PPM1H: variants seen among roughly 807,000 people sequenced by gnomAD.
PPM1H encodes protein phosphatase 1H.
In PPM1H, 27 loss-of-function variants were observed where a neutral mutation model predicts 54.9. That is an observed-to-expected ratio of 0.49 (90% CI 0.36 to 0.68). PPM1H has a LOEUF of 0.68. Among genes scored for constraint, PPM1H ranks in the 30% least tolerant of loss-of-function variants. PPM1H has a pLI of 0.00. For missense variants in PPM1H, 596 were observed against 667.8 expected, an observed-to-expected ratio of 0.89 and a Z score of 1.19; for synonymous variants, 305 against 270.8, an observed-to-expected ratio of 1.13 and a Z score of -1.24.
chr12:62,675,615 C>T (rs2075980966), intron 8 of PPM1H, among the ~76,000 whole-genome samples: 1 of 152,226 alleles, frequency 6.6e-6, no homozygotes. Flanking sequence ...TCCCTGTTTA[C>T]TCCAATAGTT....
At chr12:62,763,357 T>C (rs773481394) in intron 4 of PPM1H, among the ~76,000 whole-genome samples, 1 of 152,172 alleles carries the variant, frequency 6.6e-6, no homozygotes, top group Non-Finnish European at 1.5e-5. Flanking sequence ...GCTATGAAGA[T>C]CATCAGTCAG....
Position 62,934,487 on chromosome 12 carries a change from C to T in PPM1H, c.245+5G>A. 1 of 1,540,490 alleles carries T rather than the reference C, an allele frequency of 6.5e-7. No individual in the cohort carries two copies. The highest frequency in any genetic ancestry group is 8.7e-7 in the Non-Finnish European group (1 of 1,143,996). On this transcript the variant is annotated splice_donor_5th_base_variant and intron_variant, in intron 1 of 9. Transcript: ENST00000228705. This position sits in a 1 kb window ranked among gnomAD's most constrained non-coding sequence, Gnocchi z 4.2. Reference sequence around the variant, plus strand: ...CAGGGGCGCCGCCGGTGTCGCTGCACTCACTCTGCGTAGCCAGTGGCCCAG... The same window carrying T: ...CAGGGGCGCCGCCGGTGTCGCTGCATTCACTCTGCGTAGCCAGTGGCCCAG...
At chr12:62,758,640 A>G (rs1717416429) in intron 4 of PPM1H, among the ~76,000 whole-genome samples, 1 of 152,134 alleles carries the variant, frequency 6.6e-6, no homozygotes, top group Admixed American at 6.5e-5. Flanking sequence ...CACACTGGCT[A>G]CATTTTATTT....
rs11349692 is a variant in PPM1H at position 62,659,269 on chromosome 12, C to CAAAAA, written c.1397+7904_1397+7908dup. The stretch of plus-strand genomic sequence containing the variant: ...GTGTTCTAAAAAACCGTAAAAACTG[C>CAAAAA]AAAAAAAAAAAAAAAAAAAAAAGAG... On this transcript the variant is annotated intron_variant, in intron 9 of 9. Transcript: ENST00000228705. The CAAAAA allele has an allele frequency of 1.6e-3, 151 of 91,576 alleles. 3 individuals carry two copies. Among genetic ancestry groups the CAAAAA allele is most frequent in the South Asian group, 2.3e-3 (9 of 3,922 alleles). 5.7% of individuals were successfully genotyped at this position (91,576 alleles called of 1,614,324 possible).
In PPM1H at chr12:62,934,399, C is replaced by T; in HGVS notation, c.245+93G>A. ...TGGACGCCGGCAGCTAGTGAGAGCCCTGAGGCCGAGAAGCAGGGAGAGAAG... is the reference window on the plus strand; with the variant it reads ...TGGACGCCGGCAGCTAGTGAGAGCCTTGAGGCCGAGAAGCAGGGAGAGAAG... On this transcript the variant is annotated intron_variant, in intron 1 of 9. Transcript: ENST00000228705. This position sits in a 1 kb window ranked among gnomAD's most constrained non-coding sequence, Gnocchi z 4.2. 1 of 1,397,576 alleles carries T rather than the reference C, an allele frequency of 7.2e-7. No individual in the cohort carries two copies. The highest frequency in any genetic ancestry group is 9.3e-7 in the Non-Finnish European group (1 of 1,074,122). The allele number at this position is 1,397,576 out of a possible 1,614,324, so 86.6% of individuals were successfully genotyped here.
At chr12:62,830,427 T>G (rs187438673) in intron 2 of PPM1H, among the ~76,000 whole-genome samples, 3 of 152,218 alleles carry the variant, frequency 2.0e-5, no homozygotes, top group Admixed American at 6.5e-5. Context: ...GGCTAATTTT[T>G]TGTATTTTTA....
At chr12:62,772,335 C>A (rs374115885) in intron 4 of PPM1H, among the ~76,000 whole-genome samples, 1 of 152,174 alleles carries the variant, frequency 6.6e-6, no homozygotes, top group Non-Finnish European at 1.5e-5. Flanking sequence ...CTCAGGCCCA[C>A]GTGAGTTCCA....
rs1249133692 is a variant in PPM1H, at chr12:62,698,563, C to A, written c.1074-4564G>T. ...TACTGTGGTGGTGGCCCTCTAGGGT[C>A]TTTCTGGTTGGCCAGTGTCCTCAAA... On this transcript the variant is annotated intron_variant, in intron 6 of 9. Coordinates refer to ENST00000228705, the MANE Select transcript of PPM1H (RefSeq NM_020700.2). Among the ~76,000 whole-genome samples the A allele has an allele frequency of 2.0e-5, 3 of 152,208 alleles. No individual in the cohort carries two copies. The South Asian group carries it at 6.2e-4, about 32-fold the overall frequency.
rs971908706 is a variant in PPM1H at position 62,777,532 on chromosome 12, G to A, written c.869+10694C>T. Among the ~76,000 whole-genome samples the A allele has an allele frequency of 4.6e-5, 7 of 152,280 alleles. No individual in the cohort carries two copies. In the South Asian group the frequency reaches 6.2e-4, roughly 14 times the overall value. On this transcript the variant is annotated intron_variant, in intron 4 of 9. Coordinates refer to ENST00000228705, the MANE Select transcript of PPM1H (RefSeq NM_020700.2). ...TCTTCTAACTATGTAATATATGCACGATGAACTGTAAAAGTTTATCATATG... is the reference window on the plus strand; with the variant it reads ...TCTTCTAACTATGTAATATATGCACAATGAACTGTAAAAGTTTATCATATG...
chr12:62,929,867 C>A (rs1376460961), intron 1 of PPM1H, among the ~76,000 whole-genome samples: 1 of 152,130 alleles, frequency 6.6e-6, no homozygotes, highest in African/African-American at 2.4e-5. Context: ...TCTGCAGATA[C>A]CCTCACCCAC....
At chr12:62,650,779 A>T (rs571410421) in intron 9 of PPM1H, among the ~76,000 whole-genome samples, 1 of 152,148 alleles carries the variant, frequency 6.6e-6, no homozygotes, top group South Asian at 2.1e-4. Flanking sequence ...GTAAGAACTC[A>T]CTCACTCACT....
At chr12:62,884,842 T>C (rs1334005135) in intron 1 of PPM1H, among the ~76,000 whole-genome samples, 4 of 152,118 alleles carry the variant, frequency 2.6e-5, no homozygotes, top group African/African-American at 7.2e-5. Context: ...AGGTTCTCAT[T>C]TGGAGATTGA....
At chr12:62,670,410 G>C (rs74096889) in intron 8 of PPM1H, among the ~76,000 whole-genome samples, 3,458 of 152,224 alleles carry the variant, frequency 0.023, 133 homozygotes, top group African/African-American at 0.078. Flanking sequence ...AGTTAAACAG[G>C]AGATTCCATT....
intron 8 of PPM1H, among the ~76,000 whole-genome samples, chr12:62,685,927 C>T (rs2076048517): frequency 6.6e-6 from 1 of 152,202 alleles, no homozygotes; most frequent in South Asian, 2.1e-4. Flanking sequence ...TATGTTGTCT[C>T]ACCCAGACTA....
chr12:62,712,004 T>C (rs1442930100), intron 6 of PPM1H, among the ~76,000 whole-genome samples: 2 of 152,232 alleles, frequency 1.3e-5, no homozygotes, highest in East Asian at 3.9e-4. Context: ...GCCCGCTTTC[T>C]TCCCTGCTGC....
intron 8 of PPM1H, among the ~76,000 whole-genome samples, chr12:62,677,310 G>A (rs1170760100): frequency 6.6e-6 from 1 of 152,190 alleles, no homozygotes; most frequent in Non-Finnish European, 1.5e-5. Context: ...TGAAAGAATT[G>A]TAACACAAAC....
intron 1 of PPM1H, among the ~76,000 whole-genome samples, chr12:62,896,921 T>TA (rs1300612617): frequency 5.3e-5 from 8 of 152,154 alleles, no homozygotes; most frequent in African/African-American, 1.4e-4. Context: ...TATGCAGTCA[T>TA]AAAAAAGGAT....
intron 4 of PPM1H, among the ~76,000 whole-genome samples, chr12:62,742,295 C>T (rs1033328497): frequency 2.0e-5 from 3 of 152,206 alleles, no homozygotes; most frequent in Non-Finnish European, 4.4e-5. Flanking sequence ...CTTTAAGAGG[C>T]ATCCATGGAT....
At chr12:62,867,727 G>A (rs1032992294) in intron 1 of PPM1H, among the ~76,000 whole-genome samples, 7 of 143,804 alleles carry the variant, frequency 4.9e-5, no homozygotes, top group African/African-American at 1.9e-4. Flanking sequence ...ACAGGTGCCT[G>A]CCACCACACC....
Sources: allele counts gnomAD v4.1 joint callset (sites outside exome capture counted in the v4.1 genomes callset), GRCh38; gene constraint gnomAD v4.1.1; non-coding constraint Gnocchi (gnomAD v3.1); transcripts MANE v1.5; gene names NCBI Gene and HGNC (gene_info 2026-07-23, HGNC 2026-07-21).